The following TTC28 variants were observed in gnomAD, a reference collection of about 807,000 sequenced individuals.
TTC28 encodes tetratricopeptide repeat domain 28.
A neutral mutation model predicts 198.0 loss-of-function variants in TTC28; 61 were observed. The ratio of observed to expected loss-of-function variants is 0.31; its 90% CI spans 0.25 to 0.38. The LOEUF is 0.38. TTC28 is among the 10% of genes least tolerant of loss of function. The pLI is 1.00. For missense variants in TTC28, 2,678 were observed against 3,164.0 expected, an observed-to-expected ratio of 0.85 and a Z score of 3.69; for synonymous variants, 1,171 against 1,297.8, an observed-to-expected ratio of 0.90 and a Z score of 2.10.
rs1040910123 is a variant in TTC28 at position 28,029,114 on chromosome 22, T to C, written c.4073+1112A>G. ...CCAGGCCTCCGCAAACCTGGTTGCA[T>C]CCCTACATGAAACCAAAAGCCATGA... On this transcript the variant is annotated intron_variant, in intron 13 of 22. Transcript: ENST00000397906. 5.3e-5 allele frequency: 25 copies of C among 471,052 alleles called. No individual in the cohort carries two copies. In the Admixed American group the frequency reaches 5.9e-4, roughly 11 times the overall value. 29.2% of individuals were successfully genotyped at this position (471,052 alleles called of 1,614,324 possible).
chr22:28,167,698 A>T (rs574347120), intron 5 of TTC28, among the ~76,000 whole-genome samples: 1 of 152,312 alleles, frequency 6.6e-6, no homozygotes, highest in African/African-American at 2.4e-5. Context: ...TCTATGGCAA[A>T]CCCACAGCCA....
chr22:28,237,864 T>C (rs1178666540), intron 5 of TTC28, among the ~76,000 whole-genome samples: 1 of 152,188 alleles, frequency 6.6e-6, no homozygotes, highest in African/African-American at 2.4e-5. Context: ...TTGAAGCAGA[T>C]TTTTGCTAGA....
At chr22:28,278,654 G>A (rs896013591) in intron 5 of TTC28, among the ~76,000 whole-genome samples, 2 of 152,172 alleles carry the variant, frequency 1.3e-5, no homozygotes, top group Non-Finnish European at 2.9e-5. Flanking sequence ...TCTTGCAAGA[G>A]AGAGGTGACT....
At chr22:28,321,445 CA>C (rs2145848744) in intron 2 of TTC28, among the ~76,000 whole-genome samples, 1 of 152,250 alleles carries the variant, frequency 6.6e-6, no homozygotes, top group South Asian at 2.1e-4. Context: ...ATTCTTAAGA[CA>C]AAAAGCTGAT....
intron 6 of TTC28, among the ~76,000 whole-genome samples, chr22:28,141,809 T>A (rs2146990356): frequency 6.6e-6 from 1 of 152,172 alleles, no homozygotes. Context: ...AAAACAAACC[T>A]CCCACATCAA....
intron 21 of TTC28, among the ~76,000 whole-genome samples, chr22:27,987,522 A>C (rs1387319957): frequency 6.6e-6 from 1 of 152,026 alleles, no homozygotes; most frequent in Non-Finnish European, 1.5e-5. Context: ...ACTTGAGCTC[A>C]GGAGCTGGAG....
chr22:28,034,599 C>T (rs1939260768), intron 12 of TTC28, among the ~76,000 whole-genome samples: 1 of 152,166 alleles, frequency 6.6e-6, no homozygotes, highest in Non-Finnish European at 1.5e-5. Flanking sequence ...CAGCCAGAGT[C>T]CTGGCTGGAC....
At chr22:28,289,571 G>T (rs1009294518) in intron 5 of TTC28, among the ~76,000 whole-genome samples, 1 of 152,210 alleles carries the variant, frequency 6.6e-6, no homozygotes, top group Non-Finnish European at 1.5e-5. Flanking sequence ...GCATTCGTGT[G>T]TCTGTAGTCC....
At chr22:28,494,048 A>T (rs1315208699) in intron 2 of TTC28, among the ~76,000 whole-genome samples, 1 of 152,230 alleles carries the variant, frequency 6.6e-6, no homozygotes, top group East Asian at 1.9e-4. Context: ...CACTGATTAA[A>T]CTATCTGATA....
At chr22:28,280,502 C>A (rs564504690) in intron 5 of TTC28, among the ~76,000 whole-genome samples, 126 of 152,056 alleles carry the variant, frequency 8.3e-4, no homozygotes, top group Middle Eastern at 3.4e-3. Flanking sequence ...CCATGCCTGG[C>A]TAATTTTGTA....
intron 2 of TTC28, among the ~76,000 whole-genome samples, chr22:28,322,756 A>C (rs80313636): frequency 0.071 from 10,745 of 152,196 alleles, 549 homozygotes; most frequent in Non-Finnish European, 0.098. Context: ...TTATTCTCTC[A>C]CAGTTCTGGA....
chr22:28,192,871 G>C (rs1050313457), intron 5 of TTC28, among the ~76,000 whole-genome samples: 1 of 152,148 alleles, frequency 6.6e-6, no homozygotes, highest in African/African-American at 2.4e-5. Flanking sequence ...CACTCTGCAG[G>C]ATATTTTCCA....
intron 2 of TTC28, among the ~76,000 whole-genome samples, chr22:28,543,499 G>A (rs1408945260): frequency 1.3e-5 from 2 of 151,458 alleles, no homozygotes; most frequent in Non-Finnish European, 2.9e-5. Context: ...GGAGGAAGAG[G>A]AGGAAGAAGA....
intron 2 of TTC28, among the ~76,000 whole-genome samples, chr22:28,573,844 C>A (rs1156938816): frequency 6.6e-6 from 1 of 151,778 alleles, no homozygotes; most frequent in Non-Finnish European, 1.5e-5. Context: ...CACTTCCCCC[C>A]ACCCCCACTA....
At chr22:28,585,667 TA>T (rs1314554910) in intron 2 of TTC28, among the ~76,000 whole-genome samples, 1 of 152,134 alleles carries the variant, frequency 6.6e-6, no homozygotes, top group Non-Finnish European at 1.5e-5. Flanking sequence ...ATCTACATTT[TA>T]TAGAAATTAA....
At chr22:28,605,000 A>G (rs1189103323) in intron 2 of TTC28, among the ~76,000 whole-genome samples, 1 of 152,236 alleles carries the variant, frequency 6.6e-6, no homozygotes, top group Non-Finnish European at 1.5e-5. Flanking sequence ...TTATTACTTA[A>G]CATATGTTTA....
At chr22:28,019,750 G>A (rs1464397636) in intron 13 of TTC28, among the ~76,000 whole-genome samples, 2 of 152,216 alleles carry the variant, frequency 1.3e-5, no homozygotes, top group African/African-American at 4.8e-5. Flanking sequence ...CTTTCGCCCT[G>A]GCTGACTTCT....
chr22:28,675,735 T>TCACTCGCACACG (rs1555910098), intron 1 of TTC28, among the ~76,000 whole-genome samples: 1 of 135,118 alleles, frequency 7.4e-6, no homozygotes, highest in African/African-American at 2.8e-5. Flanking sequence ...TGAAACCCTG[T>TCACTCGCACACG]CACACACACA....
At chr22:28,418,908 G>A (rs1265744993) in intron 2 of TTC28, among the ~76,000 whole-genome samples, 1 of 152,166 alleles carries the variant, frequency 6.6e-6, no homozygotes, top group Admixed American at 6.6e-5. Flanking sequence ...GAAAACTCAT[G>A]CAGAAGGTTA....
Sources: gnomAD v4.1 joint callset for allele counts (sites outside exome capture counted in the v4.1 genomes callset) on GRCh38, gnomAD v4.1.1 for gene constraint, MANE v1.5 for transcripts, NCBI Gene and HGNC (gene_info 2026-07-23, HGNC 2026-07-21) for gene names.